DESI1: variants seen among roughly 807,000 people sequenced by gnomAD.
DESI1 encodes desumoylating isopeptidase 1, also known as PPPDE peptidase domain containing 2.
In DESI1, 17 loss-of-function variants were observed where a neutral mutation model predicts 22.4. That is an observed-to-expected ratio of 0.76 (90% CI 0.52 to 1.14). The LOEUF is 1.14. Among genes scored for constraint, DESI1 ranks in the 50% most tolerant of loss-of-function variants. The pLI, the probability that DESI1 is intolerant of heterozygous loss-of-function variation, is 0.00. For missense variants in DESI1, 177 were observed against 208.9 expected, an observed-to-expected ratio of 0.85 and a Z score of 0.94; for synonymous variants, 92 against 84.2, an observed-to-expected ratio of 1.09 and a Z score of -0.51.
chr22:41,618,357 G>A (rs533656635), intron 1 of DESI1, among the ~76,000 whole-genome samples: 2 of 59,732 alleles, frequency 3.3e-5, no homozygotes, highest in East Asian at 7.1e-4. Flanking sequence ...AGCAAGACTC[G>A]TCTAAAAAAA....
At position 41,620,912 on chromosome 22, in the gene DESI1, C is replaced by A. The variant is rs1388602227; in HGVS notation, c.-73G>T. 2.8e-6 allele frequency: 4 copies of A among 1,419,552 alleles called. No homozygotes were observed. Among genetic ancestry groups the A allele is most frequent in the Admixed American group, 2.1e-5 (1 of 47,550 alleles). 87.9% of individuals were successfully genotyped at this position (1,419,552 alleles called of 1,614,324 possible). A position where few individuals can be genotyped will look rare whatever the true frequency, so the allele number is the denominator to read the frequency against. On this transcript the variant is annotated 5_prime_UTR_variant, in exon 1 of 6. Coordinates refer to ENST00000263256, the MANE Select transcript of DESI1 (RefSeq NM_015704.3). ...GCGGCTTGGACCTTCCCGTACCCGA[C>A]GGGAGTGCGAAGCGGAGGGAGAGGG...
chr22:41,617,531 C>T (rs1165850165), intron 1 of DESI1, among the ~76,000 whole-genome samples: 2 of 152,172 alleles, frequency 1.3e-5, no homozygotes, highest in Admixed American at 1.3e-4. Flanking sequence ...CTGGGACATA[C>T]CCAACTTCAA....
At chr22:41,607,437 G>A in intron 2 of DESI1, 106 bp from the exon 3 acceptor site, 1 of 1,089,914 alleles carries the variant, frequency 9.2e-7, no homozygotes, top group Non-Finnish European at 1.3e-6. Flanking sequence ...TAGGACTGTG[G>A]GGACCAGTCT....
At chr22:41,615,074 G>A (rs1778763534) in intron 1 of DESI1, among the ~76,000 whole-genome samples, 1 of 150,794 alleles carries the variant, frequency 6.6e-6, no homozygotes. Context: ...TGAGGCGGGC[G>A]GATCACGAGG....
At chr22:41,607,714 A>G in intron 2 of DESI1, 126 bp downstream of exon 2, 2 of 1,132,828 alleles carry the variant, frequency 1.8e-6, no homozygotes. Flanking sequence ...GCACTGCTTT[A>G]GGGCTTGAAG....
chr22:41,617,346 T>C (rs2067556838), intron 1 of DESI1, among the ~76,000 whole-genome samples: 1 of 152,130 alleles, frequency 6.6e-6, no homozygotes, highest in African/African-American at 2.4e-5. Context: ...GTGGTGAGGA[T>C]TATAATGCAC....
At chr22:41,618,666 T>G (rs1411536611) in intron 1 of DESI1, among the ~76,000 whole-genome samples, 2 of 152,150 alleles carry the variant, frequency 1.3e-5, no homozygotes, top group Non-Finnish European at 2.9e-5. Context: ...AAATACCCAG[T>G]GTAAAGGGGG....
At chr22:41,603,717 C>T (rs538029333) in intron 4 of DESI1, among the ~76,000 whole-genome samples, 1 of 152,332 alleles carries the variant, frequency 6.6e-6, no homozygotes, top group Admixed American at 6.5e-5. Context: ...TATTTCATCC[C>T]AACCCTTCTG....
chr22:41,612,756 CTTT>C (rs1176318751), intron 1 of DESI1, among the ~76,000 whole-genome samples: 5 of 134,718 alleles, frequency 3.7e-5, no homozygotes, highest in Non-Finnish European at 3.2e-5. Context: ...CCCAGGCCTA[CTTT>C]TTTTTTTTTT....
At chr22:41,618,938 C>T (rs944900430) in intron 1 of DESI1, among the ~76,000 whole-genome samples, 1 of 152,152 alleles carries the variant, frequency 6.6e-6, no homozygotes, top group Non-Finnish European at 1.5e-5. Flanking sequence ...GTGGCGGGCG[C>T]CTGTAGTCCC....
intron 1 of DESI1, among the ~76,000 whole-genome samples, chr22:41,614,709 C>T (rs1569070945): frequency 6.6e-6 from 1 of 150,812 alleles, no homozygotes; most frequent in African/African-American, 2.4e-5. Flanking sequence ...CTCAGCTTCC[C>T]GAGTAGCTGG....
rs746972655 is a variant in DESI1, at chr22:41,620,884, G to A, written c.-45C>T. Reference sequence around the variant, plus strand: ...GGCCACGACGGCCCTCGGGCACCCGGCAGCGGCTTGGACCTTCCCGTACCC... The same window carrying A: ...GGCCACGACGGCCCTCGGGCACCCGACAGCGGCTTGGACCTTCCCGTACCC... On this transcript the variant is annotated 5_prime_UTR_variant, in exon 1 of 6. Coordinates refer to ENST00000263256, the MANE Select transcript of DESI1 (RefSeq NM_015704.3). 1.9e-6 allele frequency: 3 copies of A among 1,577,084 alleles called. No homozygotes were observed. Among genetic ancestry groups the A allele is most frequent in the Admixed American group, 3.7e-5 (2 of 54,158 alleles).
Position 41,598,582 on chromosome 22 carries a change from C to T in DESI1, c.*2515G>A, listed in dbSNP as rs1442890690. The T allele has an allele frequency of 6.6e-6, 1 of 152,580 alleles. No individual in the cohort carries two copies. Among genetic ancestry groups the T allele is most frequent in the African/African-American group, 2.4e-5 (1 of 41,442 alleles). The allele number at this position is 152,580 out of a possible 1,614,324, so 9.5% of individuals were successfully genotyped here. A position where few individuals can be genotyped will look rare whatever the true frequency, so the allele number is the denominator to read the frequency against. On this transcript the variant is annotated 3_prime_UTR_variant, in exon 6 of 6. Coordinates refer to ENST00000263256, the MANE Select transcript of DESI1 (RefSeq NM_015704.3). Reference sequence around the variant, plus strand: ...TCTCTCAGGGGAGCTGCTCCTGGGCCTAAGGGTGCCTGCTGGAAGAAGCAA... The same window carrying T: ...TCTCTCAGGGGAGCTGCTCCTGGGCTTAAGGGTGCCTGCTGGAAGAAGCAA...
intron 1 of DESI1, among the ~76,000 whole-genome samples, chr22:41,610,357 G>C (rs2067509690): frequency 6.6e-6 from 1 of 151,640 alleles, no homozygotes; most frequent in South Asian, 2.1e-4. Flanking sequence ...ACTCCAGCCT[G>C]GGCAACAGGG....
At chr22:41,606,325 T>G (rs986769852) in intron 3 of DESI1, among the ~76,000 whole-genome samples, 2 of 149,808 alleles carry the variant, frequency 1.3e-5, no homozygotes, top group African/African-American at 4.9e-5. Context: ...ACTGCATTTC[T>G]GGCCTGGGTG....
intron 1 of DESI1, among the ~76,000 whole-genome samples, chr22:41,611,508 AT>A (rs1470621874): frequency 6.6e-6 from 1 of 151,912 alleles, no homozygotes; most frequent in Non-Finnish European, 1.5e-5. Flanking sequence ...AATGGCTGCA[AT>A]TTGTTTATTT....
intron 4 of DESI1, 62 bp from the exon 5 acceptor site, chr22:41,603,443 C>T (rs548551330): frequency 1.2e-6 from 2 of 1,609,544 alleles, no homozygotes; most frequent in African/African-American, 2.7e-5. Context: ...TGTGGAATAA[C>T]TCAAGCTAGG....
rs1386953587 is a variant in DESI1, at chr22:41,600,814, T to C, written c.*283A>G. 2.4e-5 allele frequency: 8 copies of C among 336,464 alleles called. No individual in the cohort carries two copies. The highest frequency in any genetic ancestry group is 4.5e-5 in the Non-Finnish European group (8 of 179,292). The allele number at this position is 336,464 out of a possible 1,614,324, so 20.8% of individuals were successfully genotyped here. On this transcript the variant is annotated 3_prime_UTR_variant, in exon 6 of 6. Transcript: ENST00000263256. ...TTCTGTTTAAACAAAGCCCCTCCCT[T>C]TCTCCAGTGTGGAGGACGCTTAGGA...
At chr22:41,614,648 G>C (rs2067539046) in intron 1 of DESI1, among the ~76,000 whole-genome samples, 1 of 139,484 alleles carries the variant, frequency 7.2e-6, no homozygotes, top group Non-Finnish European at 1.5e-5. Context: ...GCAGTGGCAT[G>C]ATCTCGGCTC....
Sources: allele counts gnomAD v4.1 joint callset (sites outside exome capture counted in the v4.1 genomes callset), GRCh38; gene constraint gnomAD v4.1.1; transcripts MANE v1.5; gene names NCBI Gene and HGNC (gene_info 2026-07-23, HGNC 2026-07-21).